SNAP91: variants seen among roughly 807,000 people sequenced by gnomAD.
SNAP91 encodes synaptosome associated protein 91.
Under a neutral mutation model 100.3 loss-of-function variants are expected in SNAP91, and 27 were observed. That is an observed-to-expected ratio of 0.27 (90% CI 0.20 to 0.37). The LOEUF (loss-of-function observed/expected upper bound fraction) is 0.37. SNAP91 is among the 10% of genes least tolerant of loss of function. The pLI, the probability that SNAP91 is intolerant of heterozygous loss-of-function variation, is 1.00. For synonymous variants in SNAP91, 404 were observed against 398.6 expected (o/e 1.01, Z -0.16); for missense variants, 986 against 1,123.7 (o/e 0.88, Z 1.75).
At chr6:83,688,504 C>CTTT (rs1386310059) in intron 2 of SNAP91, among the ~76,000 whole-genome samples, 6,263 of 131,228 alleles carry the variant, frequency 0.048, 454 homozygotes, top group African/African-American at 0.15. Flanking sequence ...CCAAACATCA[C>CTTT]TTTTTTTTTT....
At chr6:83,639,747 CCTTA>C (rs1397303456) in intron 8 of SNAP91, among the ~76,000 whole-genome samples, 1 of 152,056 alleles carries the variant, frequency 6.6e-6, no homozygotes, top group African/African-American at 2.4e-5. Flanking sequence ...CATGCCAGCT[CCTTA>C]CTTACATACA....
intron 6 of SNAP91, 146 bp downstream of exon 6, chr6:83,658,853 C>G (rs1316435438): frequency 6.3e-6 from 4 of 636,908 alleles, no homozygotes; most frequent in Middle Eastern, 3.3e-4. Context: ...ATAATCTTTA[C>G]CGAGCTTAAC....
intron 2 of SNAP91, among the ~76,000 whole-genome samples, chr6:83,682,580 T>A (rs1006495540): frequency 1.3e-5 from 2 of 151,918 alleles, no homozygotes; most frequent in African/African-American, 4.8e-5. Flanking sequence ...TTTTTAAATT[T>A]TTTTATTTTA....
chr6:83,569,441 T>C (rs1399355558), intron 26 of SNAP91, among the ~76,000 whole-genome samples: 1 of 152,222 alleles, frequency 6.6e-6, no homozygotes, highest in Non-Finnish European at 1.5e-5. Context: ...ATCCTAAAGA[T>C]GCAAAACAGT....
chr6:83,695,468 A>G (rs1181063424), intron 2 of SNAP91, among the ~76,000 whole-genome samples: 1 of 152,108 alleles, frequency 6.6e-6, no homozygotes, highest in East Asian at 1.9e-4. Flanking sequence ...TAAAAAAAGT[A>G]TTTGGGTATA....
intron 7 of SNAP91, among the ~76,000 whole-genome samples, chr6:83,646,785 T>C (rs1180705038): frequency 6.6e-6 from 1 of 152,206 alleles, no homozygotes; most frequent in African/African-American, 2.4e-5. Context: ...TGGAAAGAAC[T>C]GACATATTCA....
At chr6:83,568,802 T>A (rs1801461625) in intron 26 of SNAP91, among the ~76,000 whole-genome samples, 1 of 152,178 alleles carries the variant, frequency 6.6e-6, no homozygotes, top group African/African-American at 2.4e-5. Flanking sequence ...ATCTGCATCC[T>A]TCATCTCCTT....
chr6:83,557,809 T>C (rs1781049809), intron 28 of SNAP91, among the ~76,000 whole-genome samples: 1 of 152,080 alleles, frequency 6.6e-6, no homozygotes, highest in South Asian at 2.1e-4. Flanking sequence ...AATTGATAAT[T>C]AGGTGAGATG....
At chr6:83,561,467 C>T (rs532197895) in intron 26 of SNAP91, among the ~76,000 whole-genome samples, 10 of 152,302 alleles carry the variant, frequency 6.6e-5, no homozygotes, top group Non-Finnish European at 8.8e-5. Context: ...ATGGTTCTAG[C>T]ACCACATCAA....
intron 2 of SNAP91, among the ~76,000 whole-genome samples, chr6:83,702,587 T>C (rs1027503807): frequency 1.6e-4 from 24 of 152,184 alleles, no homozygotes; most frequent in Non-Finnish European, 2.9e-5. Flanking sequence ...CTACTATCTA[T>C]ATAATGTTTA....
intron 11 of SNAP91, among the ~76,000 whole-genome samples, chr6:83,612,049 A>G (rs1459189171): frequency 1.3e-5 from 2 of 151,804 alleles, no homozygotes; most frequent in Non-Finnish European, 2.9e-5. Flanking sequence ...GTTCAACTTC[A>G]TTTGCAAATA....
Position 83,565,026 on chromosome 6 carries a change from T to A in SNAP91, c.2443-4079A>T, listed in dbSNP as rs527744637. ...TCATTTATCTGATAAGCATCTAGTA[T>A]CCCGAATATTTAAAGATCTCTTTCA... On this transcript the variant is annotated intron_variant, in intron 26 of 29. Transcript: ENST00000369694. 6.7e-5 allele frequency among the ~76,000 whole-genome samples: 10 copies of A among 149,978 alleles called. No individual in the cohort carries two copies. The East Asian group carries it at 1.7e-3, about 26-fold the overall frequency.
intron 11 of SNAP91, among the ~76,000 whole-genome samples, chr6:83,611,101 C>T (rs758389056): frequency 4.6e-5 from 7 of 152,024 alleles, no homozygotes; most frequent in African/African-American, 1.2e-4. Context: ...CCCCAACACC[C>T]AGTGGTTTAA....
At chr6:83,633,540 C>T (rs544742152) in intron 8 of SNAP91, among the ~76,000 whole-genome samples, 105 of 152,120 alleles carry the variant, frequency 6.9e-4, no homozygotes, top group African/African-American at 2.5e-3. Flanking sequence ...TTTCCTTGGG[C>T]GGGTCTTGCT....
At chr6:83,581,899 G>A (rs1420734688) in intron 23 of SNAP91, among the ~76,000 whole-genome samples, 1 of 152,178 alleles carries the variant, frequency 6.6e-6, no homozygotes, top group African/African-American at 2.4e-5. Flanking sequence ...CAAAGATTTA[G>A]TACAAAGTAT....
chr6:83,610,710 AATATAT>A lies in SNAP91; in HGVS notation c.885-39_885-34del, dbSNP rs747428612. ...GCAACATAAAAAAAAATTAAAACTG[AATATAT>A]ATATATATATATATATATATATATA... On this transcript the variant is annotated intron_variant, in intron 11 of 29. Coordinates refer to ENST00000369694, the MANE Select transcript of SNAP91 (RefSeq NM_001242792.2). 117 of 211,512 alleles carry A rather than the reference AATATAT, an allele frequency of 5.5e-4. 1 individual carries two copies. Among genetic ancestry groups the A allele is most frequent in the Middle Eastern group, 3.2e-3 (2 of 630 alleles). The allele number at this position is 211,512 out of a possible 1,614,324, so 13.1% of individuals were successfully genotyped here. A position where few individuals can be genotyped will look rare whatever the true frequency, so the allele number is the denominator to read the frequency against.
At position 83,608,567 on chromosome 6, in the gene SNAP91, G is replaced by A. The variant is rs183807830; in HGVS notation, c.913-759C>T. Reference sequence around the variant, plus strand: ...AATGTATTGATACTTAGTTCTGTTAGTGGAGATGAGACATAACAGCAGGAA... The same window carrying A: ...AATGTATTGATACTTAGTTCTGTTAATGGAGATGAGACATAACAGCAGGAA... On this transcript the variant is annotated intron_variant, in intron 12 of 29. Transcript: ENST00000369694. 3.9e-5 allele frequency among the ~76,000 whole-genome samples: 6 copies of A among 152,174 alleles called. No individual in the cohort carries two copies. In the East Asian group the frequency reaches 9.7e-4, roughly 25 times the overall value.
At chr6:83,611,085 G>A (rs2096025227) in intron 11 of SNAP91, among the ~76,000 whole-genome samples, 1 of 151,914 alleles carries the variant, frequency 6.6e-6, no homozygotes, top group East Asian at 1.9e-4. Context: ...GCAGAATTAT[G>A]ACAAACCCCA....
At chr6:83,668,599 A>G (rs989036692) in intron 2 of SNAP91, among the ~76,000 whole-genome samples, 1 of 152,002 alleles carries the variant, frequency 6.6e-6, no homozygotes, top group African/African-American at 2.4e-5. Context: ...CAAACACCAC[A>G]TGTTCTCACT....
Sources: allele counts gnomAD v4.1 joint callset (sites outside exome capture counted in the v4.1 genomes callset), GRCh38; gene constraint gnomAD v4.1.1; transcripts MANE v1.5; gene names NCBI Gene and HGNC (gene_info 2026-07-23, HGNC 2026-07-21).